The following ARHGEF18 variants were observed in gnomAD, a reference collection of about 807,000 sequenced individuals.
The protein encoded by ARHGEF18 is Rho/Rac guanine nucleotide exchange factor 18.
Under a neutral mutation model 155.7 loss-of-function variants are expected in ARHGEF18, and 93 were observed. That is an observed-to-expected ratio of 0.60 (90% CI 0.50 to 0.71). ARHGEF18 has a LOEUF of 0.71. ARHGEF18 is among the 30% of genes least tolerant of loss of function. The probability of loss-of-function intolerance (pLI) is 0.00; values close to 1 mark genes in which losing one functional copy is unlikely to be tolerated. For missense variants in ARHGEF18, 1,593 were observed against 1,816.1 expected (o/e 0.88, Z 2.23); for synonymous variants, 742 against 753.1 (o/e 0.99, Z 0.24).
chr19:7,406,922 G>A (rs1261846528), intron 10 of ARHGEF18, among the ~76,000 whole-genome samples: 4 of 151,636 alleles, frequency 2.6e-5, no homozygotes, highest in African/African-American at 4.8e-5. Context: ...AAAATTAGCC[G>A]GGCGTGGTGG....
At chr19:7,477,113 A>T (rs768346410), downstream of ARHGEF18, 15 of 1,244,250 alleles carry the variant, frequency 1.2e-5, no homozygotes, top group Non-Finnish European at 1.6e-5. Context: ...CAGCTCCATG[A>T]GAGCCCCGGC....
chr19:7,397,453 C>T (rs1055949537), intron 10 of ARHGEF18, among the ~76,000 whole-genome samples: 3 of 151,322 alleles, frequency 2.0e-5, no homozygotes, highest in Admixed American at 6.6e-5. Flanking sequence ...TTTTTTGGGC[C>T]GGGTGCGGTG....
chr19:7,406,958 G>A (rs373356844), intron 10 of ARHGEF18, among the ~76,000 whole-genome samples: 1,512 of 146,828 alleles, frequency 0.01, 16 homozygotes, highest in South Asian at 0.056. Context: ...CCAGCTACTT[G>A]GGAGGCTGAG....
At chr19:7,352,312 G>C (rs1159653460) in intron 1 of ARHGEF18, among the ~76,000 whole-genome samples, 3 of 151,624 alleles carry the variant, frequency 2.0e-5, no homozygotes, top group African/African-American at 7.3e-5. Context: ...GTCCCTCCTT[G>C]CTCCTAGGGT....
At chr19:7,458,767 C>T in intron 19 of ARHGEF18, 77 bp downstream of exon 19, 1 of 1,473,712 alleles carries the variant, frequency 6.8e-7, no homozygotes, top group Non-Finnish European at 9.1e-7. Flanking sequence ...CGACCGTTGG[C>T]CATCAGCTGT....
rs1460523488 is a variant in ARHGEF18 at position 7,468,916 on chromosome 19, A to T, written c.3572A>T (p.Tyr1191Phe). Residue 1191 changes from tyrosine (Y) to phenylalanine (F), a missense_variant, in exon 27 of 29, where the codon TAC becomes TTC. Transcript: ENST00000668164. ...CTGCCATCCGGCGTGGGGCCAGAGT[A>T]CGCAGAGCGCCCCGAGGTGGCTCGC... ...SMLPSGVGPE[Y>F]AERPEVARRD... 5 of 1,575,960 alleles carry T rather than the reference A, an allele frequency of 3.2e-6. No homozygotes were observed. Among genetic ancestry groups the T allele is most frequent in the Non-Finnish European group, 4.3e-6 (5 of 1,161,688 alleles).
intron 1 of ARHGEF18, among the ~76,000 whole-genome samples, chr19:7,361,804 C>T (rs1969559088): frequency 6.6e-6 from 1 of 151,908 alleles, no homozygotes; most frequent in Non-Finnish European, 1.5e-5. Flanking sequence ...ACTAGCCTGG[C>T]CAACATGGTG....
rs749069386 is a variant in ARHGEF18 at position 7,440,204 on chromosome 19, C to T, written c.968-140C>T. The T allele has an allele frequency of 3.2e-6, 5 of 1,551,628 alleles. No individual in the cohort carries two copies. In the Admixed American group the frequency reaches 5.9e-5, roughly 18 times the overall value. On this transcript the variant is annotated intron_variant, in intron 10 of 28. Coordinates refer to ENST00000668164, the MANE Select transcript of ARHGEF18 (RefSeq NM_001367823.1). The surrounding 1 kb of genome is among the most constrained non-coding windows in gnomAD (Gnocchi z 5.4). ...CTTTCCCCAGGAAATGGAGCGAGAACGTCTTCTTGGATAACGAGCTGCTGA... is the reference window on the plus strand; with the variant it reads ...CTTTCCCCAGGAAATGGAGCGAGAATGTCTTCTTGGATAACGAGCTGCTGA...
chr19:7,409,345 A>AC (rs1701835408), intron 10 of ARHGEF18, among the ~76,000 whole-genome samples: 1 of 151,054 alleles, frequency 6.6e-6, no homozygotes, highest in Admixed American at 6.6e-5. Flanking sequence ...AAAAAAAAAA[A>AC]AAGACTTAAT....
chr19:7,449,257 T>C (rs987183452), intron 15 of ARHGEF18, among the ~76,000 whole-genome samples: 2 of 151,936 alleles, frequency 1.3e-5, no homozygotes, highest in African/African-American at 4.8e-5. Flanking sequence ...CCCTTTTGGT[T>C]CTTAGCCAGA....
chr19:7,368,823 G>A (rs909561305), intron 2 of ARHGEF18, among the ~76,000 whole-genome samples: 7 of 152,128 alleles, frequency 4.6e-5, no homozygotes, highest in Non-Finnish European at 7.4e-5. Context: ...GGAGGCTGCC[G>A]CCCAAGTCAC....
rs543279452 is a variant in ARHGEF18, at chr19:7,470,268, C to T, written c.4056C>T (p.Asp1352=). ...CCACACCACTCAGCGCCAAGGAGGA[C>T]GCCAGCAAAGAAGACGTCATCTTCT... is the stretch of plus-strand genomic sequence containing the variant. The part of the protein sequence containing the change: ...LPATPLSAKE[D]ASKEDVIFF The change falls in exon 29 of 29, where the codon GAC becomes GAT. Residue 1352 remains aspartate (D), a synonymous_variant. Transcript: ENST00000668164. This position sits in a 1 kb window ranked among gnomAD's most constrained non-coding sequence, Gnocchi z 5.9. The T allele has an allele frequency of 2.8e-5, 43 of 1,557,890 alleles. No individual in the cohort carries two copies. The highest frequency in any genetic ancestry group is 4.8e-5 in the East Asian group (2 of 41,504).
rs1220790440 is a variant in ARHGEF18, at chr19:7,381,121, G to C, written c.722+127G>C. 1.0e-4 allele frequency: 68 copies of C among 652,552 alleles called. 2 individuals are homozygous for C. The East Asian group carries it at 2.2e-3, about 21-fold the overall frequency. The allele number at this position is 652,552 out of a possible 1,614,324, so 40.4% of individuals were successfully genotyped here. ...GGAGCCCCCATCAGGGCAATGGTGGGAGCTGGCAGGAAAGGGAGGGATGAG... is the reference window on the plus strand; with the variant it reads ...GGAGCCCCCATCAGGGCAATGGTGGCAGCTGGCAGGAAAGGGAGGGATGAG... On this transcript the variant is annotated intron_variant, in intron 8 of 28. Transcript: ENST00000668164.
At chr19:7,392,884 T>C (rs1441524370) in intron 10 of ARHGEF18, among the ~76,000 whole-genome samples, 1 of 150,258 alleles carries the variant, frequency 6.7e-6, no homozygotes, top group Non-Finnish European at 1.5e-5. Flanking sequence ...CGAAACTCTG[T>C]CTCTACAAAA....
chr19:7,361,949 G>A (rs1263622064), intron 1 of ARHGEF18, among the ~76,000 whole-genome samples: 6 of 151,048 alleles, frequency 4.0e-5, no homozygotes, highest in East Asian at 1.9e-4. Context: ...CTGAGATCAC[G>A]CCACTGCACT....
At chr19:7,355,794 G>A in intron 1 of ARHGEF18, 1 of 855,952 alleles carries the variant, frequency 1.2e-6, no homozygotes. Flanking sequence ...GCTTTTTCTT[G>A]GCTGCAGTAC....
rs1600309570 is a variant in ARHGEF18 at position 7,403,094 on chromosome 19, A to T, written c.967+19891A>T. Among the ~76,000 whole-genome samples the T allele has an allele frequency of 5.3e-5, 8 of 152,114 alleles. No individual in the cohort carries two copies. The South Asian group carries it at 1.2e-3, about 24-fold the overall frequency. On this transcript the variant is annotated intron_variant, in intron 10 of 28. Transcript: ENST00000668164. ...AGTGGCGCGATCTCGGCTCACTGTA[A>T]CCTCCGCCTCCTGGGTTCAAGCAAT...
chr19:7,438,754 A>G (rs1974434804), intron 10 of ARHGEF18, among the ~76,000 whole-genome samples: 2 of 152,084 alleles, frequency 1.3e-5, no homozygotes, highest in African/African-American at 4.8e-5. Flanking sequence ...TACCTGGGCA[A>G]AGCTTTAAGA....
chr19:7,465,378 G>A (rs1292855740), intron 23 of ARHGEF18, among the ~76,000 whole-genome samples: 1 of 151,226 alleles, frequency 6.6e-6, no homozygotes, highest in Non-Finnish European at 1.5e-5. Flanking sequence ...CATAATCCCA[G>A]TGTTTTGGGA....
Sources: allele counts gnomAD v4.1 joint callset (sites outside exome capture counted in the v4.1 genomes callset), GRCh38; gene constraint gnomAD v4.1.1; non-coding constraint Gnocchi (gnomAD v3.1); transcripts MANE v1.5; gene names NCBI Gene and HGNC (gene_info 2026-07-23, HGNC 2026-07-21).